EPHA5: variants seen among roughly 807,000 people sequenced by gnomAD.
EPHA5 encodes the protein ephrin type-A receptor 5.
EPHA5 carries 60 observed loss-of-function variants against 105.0 expected under a neutral mutation model. The observed-to-expected ratio is 0.57, with a 90% confidence interval of 0.46 to 0.71. The LOEUF (loss-of-function observed/expected upper bound fraction) is 0.71, where lower values mean the gene tolerates loss of function less well. Among genes scored for constraint, EPHA5 ranks in the 30% least tolerant of loss-of-function variants. EPHA5 has a pLI of 0.00. For missense variants in EPHA5, 1,218 were observed against 1,274.7 expected, an observed-to-expected ratio of 0.96 and a Z score of 0.68; for synonymous variants, 513 against 449.1, an observed-to-expected ratio of 1.14 and a Z score of -1.80.
chr4:65,551,756 A>T (rs1050759137), intron 3 of EPHA5, among the ~76,000 whole-genome samples: 3 of 152,188 alleles, frequency 2.0e-5, no homozygotes, highest in African/African-American at 7.2e-5. Context: ...CTCATGTGTT[A>T]CACCACTCAG....
intron 1 of EPHA5, among the ~76,000 whole-genome samples, chr4:65,655,695 T>C (rs919862126): frequency 1.3e-5 from 2 of 152,138 alleles, no homozygotes; most frequent in Non-Finnish European, 2.9e-5. Context: ...GATTTCCAAG[T>C]TGCAGAAGTA....
At chr4:65,382,569 A>T (rs749449507) in intron 8 of EPHA5, among the ~76,000 whole-genome samples, 6 of 151,890 alleles carry the variant, frequency 4.0e-5, no homozygotes, top group Non-Finnish European at 5.9e-5. Context: ...GTAAACATTT[A>T]CTGAGAATCT....
In EPHA5 at chr4:65,490,280, A is replaced by T. The variant is rs925384119; in HGVS notation, c.1402+97T>A. 1.3e-5 allele frequency: 16 copies of T among 1,229,538 alleles called. No homozygotes were observed. In the Admixed American group the frequency reaches 3.3e-4, roughly 25 times the overall value. 76.2% of individuals were successfully genotyped at this position (1,229,538 alleles called of 1,614,324 possible). ...GTCCTGACCTTCCGGTTGAGGGAAA[A>T]TTCTCACACAGATTTCAGTCAACTT... On this transcript the variant is annotated intron_variant, in intron 5 of 16. Coordinates refer to ENST00000613740, the MANE Select transcript of EPHA5 (RefSeq NM_001281766.3).
At chr4:65,363,397 A>T (rs1276700734) in intron 11 of EPHA5, among the ~76,000 whole-genome samples, 2 of 151,554 alleles carry the variant, frequency 1.3e-5, no homozygotes, top group East Asian at 3.9e-4. Context: ...TTCAAATTAA[A>T]ATTCAATTGC....
intron 9 of EPHA5, among the ~76,000 whole-genome samples, chr4:65,367,090 T>A (rs1294284718): frequency 6.6e-6 from 1 of 151,870 alleles, no homozygotes; most frequent in African/African-American, 2.4e-5. Flanking sequence ...ATATAATAGT[T>A]CTTTATATTA....
intron 5 of EPHA5, among the ~76,000 whole-genome samples, chr4:65,464,398 CA>C (rs1275086025): frequency 6.6e-6 from 1 of 151,948 alleles, no homozygotes. Context: ...GATAAGGCAA[CA>C]CAAAGGAGAA....
intron 2 of EPHA5, 35 bp from the exon 3 acceptor site, chr4:65,602,339 CA>C (rs1560759078): frequency 1.4e-6 from 2 of 1,451,864 alleles, no homozygotes; most frequent in Non-Finnish European, 1.8e-6. Flanking sequence ...AAAAAAAATT[CA>C]AAAAATAGAA....
At chr4:65,384,003 A>G (rs1247926742) in intron 8 of EPHA5, among the ~76,000 whole-genome samples, 1 of 151,916 alleles carries the variant, frequency 6.6e-6, no homozygotes, top group African/African-American at 2.4e-5. Flanking sequence ...GCATGTAAAA[A>G]TTAACTTCCT....
chr4:65,650,716 A>G (rs1301720696), intron 1 of EPHA5, among the ~76,000 whole-genome samples: 1 of 152,098 alleles, frequency 6.6e-6, no homozygotes, highest in Non-Finnish European at 1.5e-5. Context: ...GTTTCATTCC[A>G]CAGTATAACC....
intron 5 of EPHA5, among the ~76,000 whole-genome samples, chr4:65,433,987 G>A (rs1460240820): frequency 2.6e-5 from 4 of 152,096 alleles, no homozygotes; most frequent in Non-Finnish European, 5.9e-5. Context: ...CCCGGGAGGC[G>A]GAAGTTGCAG....
At chr4:65,602,510 T>C in intron 2 of EPHA5, among the ~76,000 whole-genome samples, 1 of 152,236 alleles carries the variant, frequency 6.6e-6, no homozygotes, top group East Asian at 1.9e-4. Context: ...AAAAGTAAAT[T>C]AAGAAATTAT....
chr4:65,568,616 G>C (rs1186309883), intron 3 of EPHA5, among the ~76,000 whole-genome samples: 1 of 150,836 alleles, frequency 6.6e-6, no homozygotes, highest in African/African-American at 2.4e-5. Context: ...ATGAGCAAAT[G>C]TTGTGAAATT....
intron 7 of EPHA5, 25 bp downstream of exon 7, chr4:65,414,259 G>T (rs757505661): frequency 6.2e-7 from 1 of 1,607,140 alleles, no homozygotes; most frequent in Admixed American, 1.7e-5. Flanking sequence ...TGAGACATGA[G>T]CTGACAGTAA....
chr4:65,512,496 C>T (rs1220282933), intron 3 of EPHA5, among the ~76,000 whole-genome samples: 1 of 151,994 alleles, frequency 6.6e-6, no homozygotes. Flanking sequence ...ACTTTTGGTG[C>T]TGTTTTTGTG....
intron 3 of EPHA5, among the ~76,000 whole-genome samples, chr4:65,534,939 A>C (rs1736151371): frequency 6.6e-6 from 1 of 152,194 alleles, no homozygotes; most frequent in Non-Finnish European, 1.5e-5. Context: ...TTTCAGTGGA[A>C]ATGGACAGCC....
At chr4:65,376,477 G>A (rs1477997322) in intron 8 of EPHA5, among the ~76,000 whole-genome samples, 1 of 152,006 alleles carries the variant, frequency 6.6e-6, no homozygotes, top group East Asian at 1.9e-4. Flanking sequence ...TATCACTTCT[G>A]ATATCTGTCA....
At chr4:65,371,308 T>C (rs941169582) in intron 8 of EPHA5, among the ~76,000 whole-genome samples, 1 of 152,084 alleles carries the variant, frequency 6.6e-6, no homozygotes, top group African/African-American at 2.4e-5. Context: ...GCATAACTCA[T>C]ATTCATTAAT....
At chr4:65,355,920 C>A (rs998751008) in intron 11 of EPHA5, among the ~76,000 whole-genome samples, 20 of 151,518 alleles carry the variant, frequency 1.3e-4, no homozygotes, top group African/African-American at 4.4e-4. Context: ...GCCTATAATT[C>A]CAGAAATCCT....
intron 1 of EPHA5, among the ~76,000 whole-genome samples, chr4:65,657,860 C>A: frequency 7.4e-6 from 1 of 135,334 alleles, no homozygotes; most frequent in East Asian, 2.2e-4. Context: ...AGTTTACAGA[C>A]AGGCAAGCTT....
Sources: gnomAD v4.1 joint callset for allele counts (sites outside exome capture counted in the v4.1 genomes callset) on GRCh38, gnomAD v4.1.1 for gene constraint, MANE v1.5 for transcripts, NCBI Gene and HGNC (gene_info 2026-07-23, HGNC 2026-07-21) for gene names.